SPATA17: variants seen among roughly 807,000 people sequenced by gnomAD.
SPATA17 encodes spermatogenesis associated 17, also known as spermatogenesis-associated protein 17.
Under a neutral mutation model 62.2 loss-of-function variants are expected in SPATA17, and 53 were observed. The ratio of observed to expected loss-of-function variants is 0.85; its 90% confidence interval spans 0.68 to 1.07. The LOEUF is 1.07. Ranked by LOEUF, SPATA17 falls within the 50% of genes least tolerant of loss-of-function variation. The pLI, the probability that SPATA17 is intolerant of heterozygous loss-of-function variation, is 0.00. For missense variants in SPATA17, 466 were observed against 425.5 expected (o/e 1.10, Z -0.84); for synonymous variants, 146 against 146.8 (o/e 0.99, Z 0.04).
At chr1:217,739,201 T>A (rs1425164978) in intron 5 of SPATA17, among the ~76,000 whole-genome samples, 1 of 152,186 alleles carries the variant, frequency 6.6e-6, no homozygotes, top group Admixed American at 6.5e-5. Flanking sequence ...GTCTTGGAAC[T>A]TATTCAAGTT....
chr1:217,670,831 G>A (rs948330876), intron 4 of SPATA17, among the ~76,000 whole-genome samples: 2 of 151,622 alleles, frequency 1.3e-5, no homozygotes, highest in Non-Finnish European at 2.9e-5. Context: ...GGCACCTGTA[G>A]TCTCAGCTAC....
chr1:217,822,440 T>C (rs549962402), intron 9 of SPATA17, among the ~76,000 whole-genome samples: 1 of 151,332 alleles, frequency 6.6e-6, no homozygotes, highest in African/African-American at 2.4e-5. Flanking sequence ...CTAATTACTA[T>C]ATGAACTCTT....
chr1:217,759,052 T>C (rs948295739), intron 6 of SPATA17, among the ~76,000 whole-genome samples: 2 of 152,080 alleles, frequency 1.3e-5, no homozygotes, highest in Non-Finnish European at 2.9e-5. Flanking sequence ...GAACATGCAG[T>C]AAAAAGGAAG....
At position 217,862,870 on chromosome 1, in the gene SPATA17, C is replaced by T. The variant is rs761235070; in HGVS notation, c.*2+14C>T. 6.5e-7 allele frequency: 1 copy of T among 1,527,894 alleles called. No homozygotes were observed. The highest frequency in any genetic ancestry group is 1.2e-5 in the South Asian group (1 of 81,480). 94.6% of individuals were successfully genotyped at this position (1,527,894 alleles called of 1,614,324 possible). ...GATTGTATAAAGGTATGACTTTTTG[C>T]TAAGAAGTAATTCAAAAAGTATATT... On this transcript the variant is annotated intron_variant, in intron 10 of 10. Transcript: ENST00000366933.
intron 9 of SPATA17, among the ~76,000 whole-genome samples, chr1:217,804,052 A>C (rs1469209396): frequency 6.6e-6 from 1 of 151,990 alleles, no homozygotes; most frequent in Non-Finnish European, 1.5e-5. Flanking sequence ...AAAAGAAAAA[A>C]CAATCCTAAA....
intron 6 of SPATA17, among the ~76,000 whole-genome samples, chr1:217,758,066 TATC>T (rs1177500921): frequency 6.6e-6 from 1 of 152,188 alleles, no homozygotes; most frequent in African/African-American, 2.4e-5. Flanking sequence ...TTCCAGCAGT[TATC>T]AACAACCTGA....
chr1:217,739,799 G>T (rs1202944627), intron 5 of SPATA17, among the ~76,000 whole-genome samples: 3 of 151,970 alleles, frequency 2.0e-5, no homozygotes, highest in Admixed American at 2.0e-4. Context: ...TTACTGTCTT[G>T]TTCAGTATAT....
chr1:217,756,108 A>G (rs1391070998), intron 6 of SPATA17, among the ~76,000 whole-genome samples: 1 of 152,180 alleles, frequency 6.6e-6, no homozygotes, highest in Non-Finnish European at 1.5e-5. Flanking sequence ...CACAAGTAAT[A>G]TCGATTAACT....
At chr1:217,718,932 ACTGT>A (rs1672065198) in intron 5 of SPATA17, among the ~76,000 whole-genome samples, 1 of 152,204 alleles carries the variant, frequency 6.6e-6, no homozygotes, top group South Asian at 2.1e-4. Context: ...ATTCTAGAAA[ACTGT>A]CTAGACCAGA....
chr1:217,807,017 C>T (rs530036340), intron 9 of SPATA17, among the ~76,000 whole-genome samples: 5 of 152,018 alleles, frequency 3.3e-5, no homozygotes, highest in African/African-American at 7.2e-5. Context: ...TTGTGCTGCA[C>T]TTATAGATAG....
intron 1 of SPATA17, among the ~76,000 whole-genome samples, chr1:217,645,481 G>C (rs1670159916): frequency 6.6e-6 from 1 of 151,978 alleles, no homozygotes; most frequent in Non-Finnish European, 1.5e-5. Flanking sequence ...GTTGATTGTT[G>C]GTGGGAAAGG....
At chr1:217,759,514 G>A (rs1220717955) in intron 6 of SPATA17, among the ~76,000 whole-genome samples, 2 of 152,138 alleles carry the variant, frequency 1.3e-5, no homozygotes, top group African/African-American at 4.8e-5. Flanking sequence ...ATGGGGAACT[G>A]AGTTAAGGAA....
chr1:217,677,644 C>G (rs1670979000), intron 4 of SPATA17, among the ~76,000 whole-genome samples: 1 of 152,082 alleles, frequency 6.6e-6, no homozygotes, highest in African/African-American at 2.4e-5. Context: ...CAAGCTTTTA[C>G]CTGATGATGG....
At chr1:217,803,167 C>A (rs1674354717) in intron 9 of SPATA17, among the ~76,000 whole-genome samples, 1 of 152,138 alleles carries the variant, frequency 6.6e-6, no homozygotes, top group African/African-American at 2.4e-5. Flanking sequence ...CCGCCTCAGC[C>A]TCCCAAAGTT....
chr1:217,776,676 T>C (rs1321445115), intron 7 of SPATA17, among the ~76,000 whole-genome samples: 1 of 119,148 alleles, frequency 8.4e-6, no homozygotes, highest in Non-Finnish European at 1.8e-5. Flanking sequence ...CTGTCTCTAT[T>C]AAAAAAAAAA....
At chr1:217,749,721 T>C (rs1192584969) in intron 6 of SPATA17, among the ~76,000 whole-genome samples, 1 of 151,834 alleles carries the variant, frequency 6.6e-6, no homozygotes, top group African/African-American at 2.4e-5. Flanking sequence ...ATCAGATAAA[T>C]CTTTCTAAAA....
intron 8 of SPATA17, among the ~76,000 whole-genome samples, chr1:217,784,482 G>A (rs1205061956): frequency 6.6e-6 from 1 of 152,010 alleles, no homozygotes; most frequent in Non-Finnish European, 1.5e-5. Context: ...TTTGAAACTA[G>A]AGCTATATGA....
intron 1 of SPATA17, among the ~76,000 whole-genome samples, chr1:217,643,139 C>G (rs549386414): frequency 6.6e-6 from 1 of 152,302 alleles, no homozygotes; most frequent in South Asian, 2.1e-4. Context: ...ATTGACTACT[C>G]TATTTCAGAT....
intron 5 of SPATA17, among the ~76,000 whole-genome samples, chr1:217,712,684 C>A (rs559114230): frequency 6.6e-5 from 10 of 152,114 alleles, no homozygotes; most frequent in Admixed American, 2.0e-4. Context: ...GCATTCTGAT[C>A]ATTTTTTCAT....
Sources: gnomAD v4.1 joint callset for allele counts (sites outside exome capture counted in the v4.1 genomes callset) on GRCh38, gnomAD v4.1.1 for gene constraint, MANE v1.5 for transcripts, NCBI Gene and HGNC (gene_info 2026-07-23, HGNC 2026-07-21) for gene names.